Variants in GABBR2 observed in about 807,000 individuals in gnomAD.
GABBR2 encodes G-protein coupled receptor 51.
Under a neutral mutation model 105.6 loss-of-function variants are expected in GABBR2, and 23 were observed. That is an observed-to-expected ratio of 0.22 (90% CI 0.16 to 0.31). GABBR2 has a LOEUF of 0.31. Ranked by LOEUF, GABBR2 falls within the 10% of genes least tolerant of loss-of-function variation. GABBR2 has a pLI of 1.00. For missense variants in GABBR2, 734 were observed against 1,245.5 expected (o/e 0.59, Z 6.18); for synonymous variants, 478 against 499.7 (o/e 0.96, Z 0.58).
At chr9:98,655,351 C>T (rs1178431596) in intron 1 of GABBR2, among the ~76,000 whole-genome samples, 1 of 151,904 alleles carries the variant, frequency 6.6e-6, no homozygotes, top group Non-Finnish European at 1.5e-5. Flanking sequence ...GTATCTTCTT[C>T]TCAATTTTTC....
intron 13 of GABBR2, among the ~76,000 whole-genome samples, chr9:98,350,809 A>G (rs1831386318): frequency 6.6e-6 from 1 of 152,142 alleles, no homozygotes; most frequent in Non-Finnish European, 1.5e-5. Context: ...TTCTGTCTAG[A>G]TTATCTGTCC....
chr9:98,391,956 T>C (rs1012790921), intron 9 of GABBR2, among the ~76,000 whole-genome samples: 2 of 152,068 alleles, frequency 1.3e-5, no homozygotes, highest in African/African-American at 4.8e-5. Context: ...GGGGCTAGTG[T>C]AGGGGTCCGA....
intron 1 of GABBR2, among the ~76,000 whole-genome samples, chr9:98,584,798 C>T (rs945239279): frequency 2.0e-5 from 3 of 152,146 alleles, no homozygotes; most frequent in Non-Finnish European, 2.9e-5. Flanking sequence ...GCTAATGTGT[C>T]CAACCTGCCC....
intron 8 of GABBR2, 57 bp downstream of exon 8, chr9:98,406,024 C>T: frequency 1.0e-6 from 1 of 975,768 alleles, no homozygotes; most frequent in Non-Finnish European, 1.7e-6. Context: ...TTGCATAAAA[C>T]AACATTCCTG....
At chr9:98,648,116 T>TGTGTATAGATAGATAGATAGATAG in intron 1 of GABBR2, among the ~76,000 whole-genome samples, 189 of 55,926 alleles carry the variant, frequency 3.4e-3, no homozygotes, top group East Asian at 0.012. Flanking sequence ...TGTGTGTGTG[T>TGTGTATAGATAGATAGATAGATAG]ATAGATAGAT....
chr9:98,643,977 C>A (rs1389408059), intron 1 of GABBR2, among the ~76,000 whole-genome samples: 1 of 152,210 alleles, frequency 6.6e-6, no homozygotes, highest in South Asian at 2.1e-4. Context: ...CTGAATGATT[C>A]AGTTCTGAGC....
intron 13 of GABBR2, among the ~76,000 whole-genome samples, chr9:98,335,967 G>C (rs993930066): frequency 6.6e-6 from 1 of 152,212 alleles, no homozygotes; most frequent in African/African-American, 2.4e-5. Context: ...GAGTAAGATA[G>C]TTAAGGGCCC....
intron 2 of GABBR2, among the ~76,000 whole-genome samples, chr9:98,543,040 T>C (rs993974317): frequency 6.6e-6 from 1 of 152,240 alleles, no homozygotes; most frequent in African/African-American, 2.4e-5. Flanking sequence ...TATGTGTGTG[T>C]ATTTTAATTT....
intron 11 of GABBR2, among the ~76,000 whole-genome samples, chr9:98,382,026 T>G (rs140472426): frequency 1.8e-3 from 268 of 152,234 alleles, no homozygotes; most frequent in South Asian, 4.1e-3. Flanking sequence ...CAAGGCGAGA[T>G]GTCAGGAACT....
intron 6 of GABBR2, among the ~76,000 whole-genome samples, chr9:98,460,382 A>C (rs1294319030): frequency 6.6e-6 from 1 of 152,224 alleles, no homozygotes; most frequent in African/African-American, 2.4e-5. Flanking sequence ...TCTCTAAAAT[A>C]AAATAAAATA....
intron 1 of GABBR2, among the ~76,000 whole-genome samples, chr9:98,585,311 A>G (rs1829053612): frequency 6.6e-6 from 1 of 151,994 alleles, no homozygotes. Flanking sequence ...CTATGCAGCC[A>G]TAAAAAATGA....
intron 6 of GABBR2, among the ~76,000 whole-genome samples, chr9:98,455,343 C>A (rs1196946126): frequency 6.6e-6 from 1 of 152,156 alleles, no homozygotes; most frequent in Non-Finnish European, 1.5e-5. Flanking sequence ...TTTTTCAAAT[C>A]ACTTCTGAAC....
chr9:98,529,571 G>T (rs1436133845), intron 3 of GABBR2, among the ~76,000 whole-genome samples: 1 of 152,148 alleles, frequency 6.6e-6, no homozygotes, highest in Admixed American at 6.5e-5. Flanking sequence ...GTGCTCTTTT[G>T]TGTTTTCCAA....
intron 3 of GABBR2, among the ~76,000 whole-genome samples, chr9:98,503,366 G>C (rs975200001): frequency 6.6e-6 from 1 of 152,186 alleles, no homozygotes; most frequent in African/African-American, 2.4e-5. Flanking sequence ...TCACGTGAAG[G>C]ATCAGGTCTC....
rs1307030320 is a variant in GABBR2 at position 98,708,482 on chromosome 9, C to T, written c.256G>A (p.Glu86Lys). Residue 86 changes from glutamate (E) to lysine (K), a missense_variant, in exon 1 of 19, where the codon GAG becomes AAG. Glu to Lys is a moderately conservative substitution (Grantham distance 56). This residue lies in a region of GABBR2 where 370 missense variants were observed against 648.9 expected (regional missense o/e 0.57). Coordinates refer to ENST00000259455, the MANE Select transcript of GABBR2 (RefSeq NM_005458.8). The stretch of plus-strand genomic sequence containing the variant: ...AGGAGTGACTCGTTGCGGATCTGCT[C>T]GATGGCCAGTTCCACGGCGGGGAGC... ...GVLPAVELAIEQIRNESLLRP... is the reference protein window; with the variant it reads ...GVLPAVELAIKQIRNESLLRP... 6.3e-7 allele frequency: 1 copy of T among 1,593,214 alleles called. No homozygotes were observed. The highest frequency in any genetic ancestry group is 8.5e-7 in the Non-Finnish European group (1 of 1,170,048).
intron 1 of GABBR2, among the ~76,000 whole-genome samples, chr9:98,673,276 G>A (rs914471624): frequency 2.0e-5 from 3 of 152,196 alleles, no homozygotes; most frequent in African/African-American, 7.2e-5. Context: ...CACAGAAAGT[G>A]CCAGCTGGCA....
At chr9:98,396,018 T>C (rs1211201769) in intron 8 of GABBR2, among the ~76,000 whole-genome samples, 1 of 152,162 alleles carries the variant, frequency 6.6e-6, no homozygotes, top group Non-Finnish European at 1.5e-5. Flanking sequence ...AGACAGCTTG[T>C]GGCTTTGCCT....
At chr9:98,332,078 G>A (rs1831037100) in intron 13 of GABBR2, among the ~76,000 whole-genome samples, 1 of 152,176 alleles carries the variant, frequency 6.6e-6, no homozygotes, top group African/African-American at 2.4e-5. Context: ...GTATGAAGGA[G>A]CCGAGCTTTG....
intron 3 of GABBR2, among the ~76,000 whole-genome samples, chr9:98,528,435 T>A (rs1181485489): frequency 6.6e-6 from 1 of 151,954 alleles, no homozygotes; most frequent in Non-Finnish European, 1.5e-5. Context: ...TCAAGCATAA[T>A]GGAAAGGTGA....
Sources: gnomAD v4.1 joint callset for allele counts (sites outside exome capture counted in the v4.1 genomes callset) on GRCh38, gnomAD v4.1.1 for gene constraint, gnomAD v4.1.1 regional missense constraint, MANE v1.5 for transcripts, NCBI Gene and HGNC (gene_info 2026-07-23, HGNC 2026-07-21) for gene names.